Variants in NXPH1 observed in about 807,000 individuals in gnomAD.
The protein encoded by NXPH1 is neurexophilin 1, also known as neurexophilin-1.
In NXPH1, 5 loss-of-function variants were observed where a neutral mutation model predicts 23.7. That is an observed-to-expected ratio of 0.21 (90% CI 0.11 to 0.44). The LOEUF is 0.44. NXPH1 is among the 20% of genes least tolerant of loss of function. The pLI is 0.99. For synonymous variants in NXPH1, 144 were observed against 122.2 expected, an observed-to-expected ratio of 1.18 and a Z score of -1.18; for missense variants, 324 against 321.6, an observed-to-expected ratio of 1.01 and a Z score of -0.06.
intron 2 of NXPH1, among the ~76,000 whole-genome samples, chr7:8,743,668 G>A (rs759418078): frequency 6.7e-5 from 10 of 150,204 alleles, no homozygotes; most frequent in Admixed American, 2.7e-4. Context: ...GCAAAGTGTG[G>A]CAACTCTTTT....
At chr7:8,493,746 A>G (rs1294490514) in intron 2 of NXPH1, among the ~76,000 whole-genome samples, 1 of 152,072 alleles carries the variant, frequency 6.6e-6, no homozygotes. Flanking sequence ...CCAGTGGCAC[A>G]TGGCCACTTT....
intron 2 of NXPH1, among the ~76,000 whole-genome samples, chr7:8,676,886 C>CATA (rs1820961584): frequency 6.6e-6 from 1 of 152,198 alleles, no homozygotes; most frequent in African/African-American, 2.4e-5. Context: ...GGGGAAAAGA[C>CATA]TTCTGAACCA....
intron 2 of NXPH1, among the ~76,000 whole-genome samples, chr7:8,558,249 T>C (rs969770711): frequency 1.3e-5 from 2 of 151,690 alleles, no homozygotes; most frequent in African/African-American, 2.4e-5. Flanking sequence ...TGACACATTT[T>C]ATCTATTTTA....
chr7:8,525,693 C>A (rs1030903387), intron 2 of NXPH1, among the ~76,000 whole-genome samples: 1 of 152,188 alleles, frequency 6.6e-6, no homozygotes, highest in Non-Finnish European at 1.5e-5. Flanking sequence ...CAACATGTAG[C>A]TTAGGCTGTG....
chr7:8,543,269 C>A (rs997238159), intron 2 of NXPH1, among the ~76,000 whole-genome samples: 1 of 151,530 alleles, frequency 6.6e-6, no homozygotes, highest in Non-Finnish European at 1.5e-5. Flanking sequence ...AATACCTTTT[C>A]CTTCCATTTT....
At chr7:8,541,136 T>C (rs1273473639) in intron 2 of NXPH1, among the ~76,000 whole-genome samples, 1 of 151,728 alleles carries the variant, frequency 6.6e-6, no homozygotes, top group Non-Finnish European at 1.5e-5. Context: ...GAATGTTAGA[T>C]TGAGTAGATA....
intron 2 of NXPH1, among the ~76,000 whole-genome samples, chr7:8,729,268 T>C (rs1780109307): frequency 6.7e-6 from 1 of 149,162 alleles, no homozygotes; most frequent in South Asian, 2.1e-4. Context: ...CTATCAATTT[T>C]GTTGATCCTT....
rs1780589961 is a variant in NXPH1 at position 8,752,905 on chromosome 7, T to C, written c.*1136T>C. The C allele has an allele frequency of 6.6e-6, 1 of 152,594 alleles. No individual in the cohort carries two copies. The highest frequency in any genetic ancestry group is 6.6e-5 in the Admixed American group (1 of 15,258). 9.5% of individuals were successfully genotyped at this position (152,594 alleles called of 1,614,324 possible). A position where few individuals can be genotyped will look rare whatever the true frequency, so the allele number is the denominator to read the frequency against. On this transcript the variant is annotated 3_prime_UTR_variant, in exon 3 of 3. Transcript: ENST00000405863. ...ACAGTCTGTCTGTATTTAGATATTT[T>C]ATTTCTGGAAAAAATGAAATGTACA...
intron 2 of NXPH1, among the ~76,000 whole-genome samples, chr7:8,559,291 C>G (rs1490442118): frequency 2.0e-5 from 3 of 151,528 alleles, no homozygotes; most frequent in Non-Finnish European, 3.0e-5. Flanking sequence ...TATGAACATA[C>G]AAAAAAGTCT....
chr7:8,474,746 G>A (rs1041116347), intron 2 of NXPH1, among the ~76,000 whole-genome samples: 1 of 151,952 alleles, frequency 6.6e-6, no homozygotes, highest in Non-Finnish European at 1.5e-5. Flanking sequence ...TCACTTCATC[G>A]AGGTCTATAC....
intron 2 of NXPH1, among the ~76,000 whole-genome samples, chr7:8,722,101 G>T (rs1399747071): frequency 6.6e-6 from 1 of 152,022 alleles, no homozygotes; most frequent in African/African-American, 2.4e-5. Flanking sequence ...CAATGATGTG[G>T]GTTATATGGA....
intron 2 of NXPH1, among the ~76,000 whole-genome samples, chr7:8,547,998 A>C (rs916725396): frequency 6.6e-6 from 1 of 151,492 alleles, no homozygotes; most frequent in African/African-American, 2.4e-5. Flanking sequence ...TTGGGTAGAT[A>C]CCTACTAGTG....
chr7:8,623,240 G>A lies in NXPH1; in HGVS notation c.55-127768G>A, dbSNP rs145257978. 4.6e-3 allele frequency among the ~76,000 whole-genome samples: 693 copies of A among 152,180 alleles called. 5 individuals are homozygous for A. The highest frequency in any genetic ancestry group is 0.015 in the African/African-American group (640 of 41,516). On this transcript the variant is annotated intron_variant, in intron 2 of 2. Transcript: ENST00000405863. ...GGAGACAGGGAAGACTCTGGGAGAC[G>A]AATTAAAACAGGAGAAGAGTAGAGA...
intron 2 of NXPH1, among the ~76,000 whole-genome samples, chr7:8,577,614 G>A (rs1818778538): frequency 6.6e-6 from 1 of 152,182 alleles, no homozygotes; most frequent in Non-Finnish European, 1.5e-5. Context: ...CTGTACTAGT[G>A]ACTCTGGACA....
chr7:8,534,584 A>G (rs1158335796), intron 2 of NXPH1, among the ~76,000 whole-genome samples: 1 of 151,842 alleles, frequency 6.6e-6, no homozygotes, highest in Non-Finnish European at 1.5e-5. Flanking sequence ...GAGAGATGTT[A>G]TTGTAAGTTC....
chr7:8,586,527 T>C (rs1023964484), intron 2 of NXPH1, among the ~76,000 whole-genome samples: 10 of 151,852 alleles, frequency 6.6e-5, no homozygotes, highest in Non-Finnish European at 1.5e-4. Flanking sequence ...TTTTGTTCAG[T>C]CTTGAAGAGT....
At chr7:8,738,657 G>C (rs1780304737) in intron 2 of NXPH1, among the ~76,000 whole-genome samples, 1 of 152,196 alleles carries the variant, frequency 6.6e-6, no homozygotes, top group African/African-American at 2.4e-5. Flanking sequence ...TGCTATGCTG[G>C]GAGATCTGCT....
At chr7:8,494,953 C>G (rs1330455100) in intron 2 of NXPH1, among the ~76,000 whole-genome samples, 1 of 151,984 alleles carries the variant, frequency 6.6e-6, no homozygotes, top group Non-Finnish European at 1.5e-5. Context: ...TAAGTTCATG[C>G]TTTTATTTCC....
chr7:8,618,765 T>G (rs1316564501), intron 2 of NXPH1, among the ~76,000 whole-genome samples: 1 of 152,208 alleles, frequency 6.6e-6, no homozygotes, highest in Non-Finnish European at 1.5e-5. Flanking sequence ...TCCAATATCT[T>G]TATATGTTGA....
Sources: gnomAD v4.1 joint callset for allele counts (sites outside exome capture counted in the v4.1 genomes callset) on GRCh38, gnomAD v4.1.1 for gene constraint, MANE v1.5 for transcripts, NCBI Gene and HGNC (gene_info 2026-07-23, HGNC 2026-07-21) for gene names.